The following XPR1 variants were observed in gnomAD, a reference collection of about 807,000 sequenced individuals.
XPR1 encodes xenotropic and polytropic retrovirus receptor 1.
XPR1 carries 28 observed loss-of-function variants against 87.5 expected under a neutral mutation model. The ratio of observed to expected loss-of-function variants is 0.32; its 90% confidence interval spans 0.24 to 0.44. The LOEUF is 0.44. Ranked by LOEUF, XPR1 falls within the 20% of genes least tolerant of loss-of-function variation. XPR1 has a pLI of 1.00. For missense variants in XPR1, 559 were observed against 862.3 expected, an observed-to-expected ratio of 0.65 and a Z score of 4.41; for synonymous variants, 300 against 306.1, an observed-to-expected ratio of 0.98 and a Z score of 0.21.
intron 1 of XPR1, among the ~76,000 whole-genome samples, chr1:180,661,372 T>C (rs1033826865): frequency 6.6e-6 from 1 of 152,078 alleles, no homozygotes; most frequent in Non-Finnish European, 1.5e-5. Context: ...GTAAGGACTT[T>C]TGCCATTTCG....
chr1:180,693,420 A>G (rs1426061059), intron 2 of XPR1, among the ~76,000 whole-genome samples: 1 of 152,252 alleles, frequency 6.6e-6, no homozygotes, highest in African/African-American at 2.4e-5. Context: ...AGATACTCTA[A>G]AAATCATTTG....
chr1:180,772,233 T>A (rs1648543973), intron 2 of XPR1, among the ~76,000 whole-genome samples: 1 of 152,172 alleles, frequency 6.6e-6, no homozygotes, highest in Non-Finnish European at 1.5e-5. Flanking sequence ...AGAATTTATG[T>A]CATTTTGATC....
At chr1:180,689,305 C>T (rs1371024601) in intron 2 of XPR1, among the ~76,000 whole-genome samples, 2 of 152,198 alleles carry the variant, frequency 1.3e-5, no homozygotes, top group East Asian at 1.9e-4. Context: ...AATGACTTTG[C>T]ATTTTTCTCT....
chr1:180,683,414 T>C (rs1008781098), intron 2 of XPR1, among the ~76,000 whole-genome samples: 22 of 152,322 alleles, frequency 1.4e-4, no homozygotes, highest in Middle Eastern at 3.4e-3. Flanking sequence ...TGAATAGTGC[T>C]GCTATAAACA....
chr1:180,886,130 G>A lies in XPR1; in HGVS notation c.*2064G>A, dbSNP rs1653000853. 3 of 152,118 alleles carry A rather than the reference G, an allele frequency of 2.0e-5. No homozygotes were observed. The highest frequency in any genetic ancestry group is 2.0e-4 in the Admixed American group (3 of 15,286). 9.4% of individuals were successfully genotyped at this position (152,118 alleles called of 1,614,324 possible). On this transcript the variant is annotated 3_prime_UTR_variant, in exon 15 of 15. Transcript: ENST00000367590. Reference sequence around the variant, plus strand: ...TAAATTGAATCATTTATAATAATCAGTGTTAACAATTTAGTGACCCTTGGT... The same window carrying A: ...TAAATTGAATCATTTATAATAATCAATGTTAACAATTTAGTGACCCTTGGT...
chr1:180,802,074 G>A (rs1649807291), intron 3 of XPR1, among the ~76,000 whole-genome samples: 1 of 151,492 alleles, frequency 6.6e-6, no homozygotes, highest in South Asian at 2.1e-4. Flanking sequence ...GGGATTACAA[G>A]CATGAGCCAT....
intron 1 of XPR1, among the ~76,000 whole-genome samples, chr1:180,641,338 C>T (rs1441029252): frequency 6.6e-6 from 1 of 152,110 alleles, no homozygotes; most frequent in East Asian, 1.9e-4. Flanking sequence ...TAATGTTTGG[C>T]TAATATTATT....
At chr1:180,665,659 C>T (rs1655929838) in intron 1 of XPR1, among the ~76,000 whole-genome samples, 1 of 152,170 alleles carries the variant, frequency 6.6e-6, no homozygotes, top group South Asian at 2.1e-4. Flanking sequence ...TGTGAAGTCT[C>T]ACAATTGCTG....
chr1:180,753,534 A>G (rs1360291160), intron 2 of XPR1, among the ~76,000 whole-genome samples: 1 of 152,024 alleles, frequency 6.6e-6, no homozygotes, highest in East Asian at 1.9e-4. Flanking sequence ...AGCTTGGGCA[A>G]CAGAGTCAGA....
chr1:180,836,726 G>A lies in XPR1; in HGVS notation c.1501+10G>A, dbSNP rs766498158. 6.2e-7 allele frequency: 1 copy of A among 1,612,892 alleles called. No homozygotes were observed. The highest frequency in any genetic ancestry group is 1.7e-5 in the Admixed American group (1 of 60,022). Reference sequence around the variant, plus strand: ...TACAGCACTCACAAAGGTATTCTGTGATTGACTCTGAAGAGATTTTTTTAA... The same window carrying A: ...TACAGCACTCACAAAGGTATTCTGTAATTGACTCTGAAGAGATTTTTTTAA... On this transcript the variant is annotated intron_variant, in intron 11 of 14. Transcript: ENST00000367590.
intron 7 of XPR1, 122 bp from the exon 8 acceptor site, chr1:180,824,631 T>C: frequency 1.3e-6 from 1 of 788,766 alleles, no homozygotes; most frequent in East Asian, 2.6e-5. Flanking sequence ...AATCTAGGTT[T>C]AGGTTTTATT....
intron 2 of XPR1, among the ~76,000 whole-genome samples, chr1:180,722,121 A>G (rs1650364288): frequency 6.6e-6 from 1 of 152,062 alleles, no homozygotes; most frequent in African/African-American, 2.4e-5. Context: ...AAAAAAAATT[A>G]GTCATGTGTG....
intron 2 of XPR1, among the ~76,000 whole-genome samples, chr1:180,687,103 A>G (rs1376198054): frequency 6.6e-6 from 1 of 152,170 alleles, no homozygotes; most frequent in Non-Finnish European, 1.5e-5. Context: ...AATATAAGAA[A>G]AATGAAATTC....
chr1:180,710,354 T>C (rs985049852), intron 2 of XPR1, among the ~76,000 whole-genome samples: 1 of 151,570 alleles, frequency 6.6e-6, no homozygotes, highest in African/African-American at 2.4e-5. Context: ...TGGGGCCTTC[T>C]GCAGTGTTTG....
chr1:180,642,986 T>G (rs1655005837), intron 1 of XPR1, among the ~76,000 whole-genome samples: 1 of 152,090 alleles, frequency 6.6e-6, no homozygotes, highest in Non-Finnish European at 1.5e-5. Context: ...GTTAATGCAA[T>G]CTGGTTTAGT....
At chr1:180,714,839 T>C (rs1011990262) in intron 2 of XPR1, among the ~76,000 whole-genome samples, 2 of 152,182 alleles carry the variant, frequency 1.3e-5, no homozygotes, top group African/African-American at 4.8e-5. Context: ...TTCTGTTGTT[T>C]GGCAATTTTA....
chr1:180,731,554 C>A (rs1282953714), intron 2 of XPR1, among the ~76,000 whole-genome samples: 4 of 152,124 alleles, frequency 2.6e-5, no homozygotes, highest in Non-Finnish European at 5.9e-5. Flanking sequence ...AAAACAAATA[C>A]AAGTGTCAAG....
chr1:180,743,452 TTGACATCCACATACATTGA>T (rs1306347771), intron 2 of XPR1, among the ~76,000 whole-genome samples: 6 of 152,124 alleles, frequency 3.9e-5, no homozygotes, highest in South Asian at 4.1e-4. Context: ...TTGTCTTATG[TTGACATCCACATACATTGA>T]AAACTCCATT....
chr1:180,767,269 C>T lies in XPR1; in HGVS notation c.122-20484C>T, dbSNP rs111318496. Among the ~76,000 whole-genome samples, 697 of 152,250 alleles carry T rather than the reference C, an allele frequency of 4.6e-3. 7 individuals carry two copies. Among genetic ancestry groups the T allele is most frequent in the African/African-American group, 0.016 (668 of 41,558 alleles). ...TAATGAGTAAAAGCTCCCACTCACT[C>T]CCTTCAAAATAAAACCATTATAGTA... On this transcript the variant is annotated intron_variant, in intron 2 of 14. Coordinates refer to ENST00000367590, the MANE Select transcript of XPR1 (RefSeq NM_004736.4).
Sources: gnomAD v4.1 joint callset for allele counts (sites outside exome capture counted in the v4.1 genomes callset) on GRCh38, gnomAD v4.1.1 for gene constraint, MANE v1.5 for transcripts, NCBI Gene and HGNC (gene_info 2026-07-23, HGNC 2026-07-21) for gene names.